AREL1: variants seen among roughly 807,000 people sequenced by gnomAD.
The protein encoded by AREL1 is apoptosis-resistant E3 ubiquitin protein ligase 1.
Under a neutral mutation model 99.0 loss-of-function variants are expected in AREL1, and 62 were observed. The observed-to-expected ratio is 0.63, with a 90% CI of 0.51 to 0.77. The LOEUF is 0.77. Among genes scored for constraint, AREL1 ranks in the 30% least tolerant of loss-of-function variants. The probability of loss-of-function intolerance (pLI) is 0.00; values close to 1 mark genes in which losing one functional copy is unlikely to be tolerated. For synonymous variants in AREL1, 380 were observed against 376.5 expected (o/e 1.01, Z -0.11); for missense variants, 879 against 1,027.6 (o/e 0.86, Z 1.98).
chr14:74,699,419 G>A (rs1252542828), intron 1 of AREL1, among the ~76,000 whole-genome samples: 1 of 151,890 alleles, frequency 6.6e-6, no homozygotes, highest in Non-Finnish European at 1.5e-5. Flanking sequence ...GAGAGAGAGA[G>A]ACAGCACACA....
chr14:74,700,759 G>A (rs1017227543), intron 1 of AREL1, among the ~76,000 whole-genome samples: 4 of 152,188 alleles, frequency 2.6e-5, no homozygotes, highest in African/African-American at 9.7e-5. Context: ...CAGTCTGGGC[G>A]ACAGAGCGAG....
chr14:74,699,588 ATTTAT>A (rs957731444), intron 1 of AREL1, among the ~76,000 whole-genome samples: 2 of 152,134 alleles, frequency 1.3e-5, no homozygotes, highest in African/African-American at 4.8e-5. Context: ...TACTGCTCTC[ATTTAT>A]TTTAATATGT....
chr14:74,702,227 A>C (rs376128972), intron 1 of AREL1, among the ~76,000 whole-genome samples: 73 of 152,190 alleles, frequency 4.8e-4, no homozygotes, highest in African/African-American at 1.7e-3. Context: ...ATTTCCCCCC[A>C]ACATTGCCCT....
At chr14:74,668,881 TG>T (rs1428489591) in intron 15 of AREL1, among the ~76,000 whole-genome samples, 1 of 152,200 alleles carries the variant, frequency 6.6e-6, no homozygotes, top group Non-Finnish European at 1.5e-5. Context: ...TAAAAAGTTT[TG>T]GTTTTATTAT....
chr14:74,663,431 A>G lies in AREL1; in HGVS notation c.*289T>C, dbSNP rs1343148753. 6 of 412,660 alleles carry G rather than the reference A, an allele frequency of 1.5e-5. No homozygotes were observed. Among genetic ancestry groups the G allele is most frequent in the African/African-American group, 4.1e-5 (2 of 49,178 alleles). The allele number at this position is 412,660 out of a possible 1,614,324, so 25.6% of individuals were successfully genotyped here. A position where few individuals can be genotyped will look rare whatever the true frequency, so the allele number is the denominator to read the frequency against. ...GCCCCGTGTGCCATCTCCCTCAGCT[A>G]CTGAGATCTTCAAAGGACCAAATAA... is the stretch of plus-strand genomic sequence containing the variant. On this transcript the variant is annotated 3_prime_UTR_variant, in exon 20 of 20. Coordinates refer to ENST00000356357, the MANE Select transcript of AREL1 (RefSeq NM_001039479.2).
chr14:74,679,303 T>C (rs2089572907), intron 5 of AREL1, among the ~76,000 whole-genome samples: 1 of 151,610 alleles, frequency 6.6e-6, no homozygotes. Flanking sequence ...CATGCCACAG[T>C]CCCAGCAACT....
Position 74,662,472 on chromosome 14 carries a change from C to T in AREL1, c.*1248G>A, listed in dbSNP as rs1381067541. On this transcript the variant is annotated 3_prime_UTR_variant, in exon 20 of 20. Coordinates refer to ENST00000356357, the MANE Select transcript of AREL1 (RefSeq NM_001039479.2). The stretch of plus-strand genomic sequence containing the variant: ...AATCTTGAAATTATTTTCAATCAAA[C>T]AGTAATGAAAAAGGATGTTGTCATC... 4.0e-5 allele frequency: 16 copies of T among 398,406 alleles called. No homozygotes were observed. The Admixed American group carries it at 6.6e-4, about 16-fold the overall frequency. The allele number at this position is 398,406 out of a possible 1,614,324, so 24.7% of individuals were successfully genotyped here.
intron 1 of AREL1, among the ~76,000 whole-genome samples, chr14:74,693,493 G>A (rs950328941): frequency 5.9e-5 from 9 of 152,158 alleles, no homozygotes; most frequent in African/African-American, 2.2e-4. Flanking sequence ...CAAATGAGAA[G>A]AGACTACTAA....
At chr14:74,699,838 A>T (rs929313600) in intron 1 of AREL1, among the ~76,000 whole-genome samples, 5 of 152,238 alleles carry the variant, frequency 3.3e-5, no homozygotes, top group African/African-American at 9.6e-5. Flanking sequence ...CTGAGAAAAG[A>T]AACGAATCCG....
At chr14:74,686,653 C>A (rs913828719) in intron 2 of AREL1, among the ~76,000 whole-genome samples, 3 of 152,044 alleles carry the variant, frequency 2.0e-5, no homozygotes, top group African/African-American at 7.2e-5. Context: ...TGGGAGGGAC[C>A]AAAACAACTT....
chr14:74,708,729 A>T (rs1464559476), intron 1 of AREL1, among the ~76,000 whole-genome samples: 2 of 152,282 alleles, frequency 1.3e-5, no homozygotes, highest in Non-Finnish European at 2.9e-5. Flanking sequence ...TCTGAAAAAC[A>T]TGATGCAAAT....
At chr14:74,664,591 C>T (rs1566676440) in intron 18 of AREL1, among the ~76,000 whole-genome samples, 1 of 150,066 alleles carries the variant, frequency 6.7e-6, no homozygotes, top group African/African-American at 2.4e-5. Context: ...GGACTACAGG[C>T]ATGTGCCACC....
At chr14:74,675,171 C>T (rs2089443160) in intron 8 of AREL1, among the ~76,000 whole-genome samples, 1 of 152,132 alleles carries the variant, frequency 6.6e-6, no homozygotes, top group East Asian at 1.9e-4. Flanking sequence ...CCCTCATTAC[C>T]ATCACCCCTA....
intron 1 of AREL1, among the ~76,000 whole-genome samples, chr14:74,712,669 T>C (rs2090335197): frequency 6.8e-6 from 1 of 146,010 alleles, no homozygotes; most frequent in Admixed American, 6.9e-5. Context: ...CCGAGAGGAG[T>C]ACACGGTATA....
intron 1 of AREL1, among the ~76,000 whole-genome samples, chr14:74,700,778 TCAAAACAAAA>T (rs371592546): frequency 2.0e-5 from 3 of 152,260 alleles, no homozygotes; most frequent in African/African-American, 7.2e-5. Flanking sequence ...AGAGTCCCTC[TCAAAACAAAA>T]CAAAACAAAA....
intron 1 of AREL1, chr14:74,701,887 G>GC (rs1162946256): frequency 6.6e-6 from 1 of 152,182 alleles, no homozygotes; most frequent in Admixed American, 6.5e-5. Context: ...GGGCTGCAGG[G>GC]CCCATGCAAG....
rs149118782 is a variant in AREL1, at chr14:74,688,119, G to A, written c.-45-2459C>T. On this transcript the variant is annotated intron_variant, in intron 2 of 19. Coordinates refer to ENST00000356357, the MANE Select transcript of AREL1 (RefSeq NM_001039479.2). ...CGGCTCACTGAAAGCTCTGCCTCCCGGGTTCGCGCCATTCTCCTGCCTCAG... is the reference window on the plus strand; with the variant it reads ...CGGCTCACTGAAAGCTCTGCCTCCCAGGTTCGCGCCATTCTCCTGCCTCAG... Among the ~76,000 whole-genome samples the A allele has an allele frequency of 1.1e-4, 16 of 144,428 alleles. No homozygotes were observed. The East Asian group carries it at 2.0e-3, about 18-fold the overall frequency. 94.8% of individuals were successfully genotyped at this position (144,428 alleles called of 152,430 possible).
intron 15 of AREL1, 116 bp from the exon 16 acceptor site, chr14:74,667,710 C>T: frequency 7.5e-7 from 1 of 1,331,952 alleles, no homozygotes; most frequent in Non-Finnish European, 1.0e-6. Context: ...CTGTCAGTCA[C>T]AAGTTTCTGC....
At chr14:74,707,551 T>C (rs775789295) in intron 1 of AREL1, among the ~76,000 whole-genome samples, 13 of 152,052 alleles carry the variant, frequency 8.5e-5, no homozygotes, top group Non-Finnish European at 1.6e-4. Flanking sequence ...ATCCCAGCAC[T>C]TTGGGAGGCC....
Sources: allele counts gnomAD v4.1 joint callset (sites outside exome capture counted in the v4.1 genomes callset), GRCh38; gene constraint gnomAD v4.1.1; transcripts MANE v1.5; gene names NCBI Gene and HGNC (gene_info 2026-07-23, HGNC 2026-07-21).